PPP3CA: variants seen among roughly 807,000 people sequenced by gnomAD.
PPP3CA encodes the protein CAM-PRP catalytic subunit.
Under a neutral mutation model 66.5 loss-of-function variants are expected in PPP3CA, and 14 were observed. The observed-to-expected ratio is 0.21, with a 90% CI of 0.14 to 0.33. The LOEUF (loss-of-function observed/expected upper bound fraction) is 0.33, where lower values mean the gene tolerates loss of function less well. Among genes scored for constraint, PPP3CA ranks in the 10% least tolerant of loss-of-function variants. The pLI, the probability that PPP3CA is intolerant of heterozygous loss-of-function variation, is 1.00. For synonymous variants in PPP3CA, 232 were observed against 226.2 expected (o/e 1.03, Z -0.23); for missense variants, 317 against 639.5 (o/e 0.50, Z 5.44).
At chr4:101,122,680 CA>C (rs1444370126) in intron 2 of PPP3CA, among the ~76,000 whole-genome samples, 1 of 151,916 alleles carries the variant, frequency 6.6e-6, no homozygotes, top group Admixed American at 6.6e-5. Context: ...AAAAAACAAA[CA>C]AAAAACTGGA....
intron 4 of PPP3CA, among the ~76,000 whole-genome samples, chr4:101,099,237 T>A (rs898610798): frequency 6.6e-5 from 10 of 152,134 alleles, no homozygotes; most frequent in African/African-American, 2.2e-4. Flanking sequence ...GAAGCTAGTA[T>A]TCATTTATTG....
chr4:101,320,031 C>T (rs1403096339), intron 1 of PPP3CA, among the ~76,000 whole-genome samples: 2 of 152,072 alleles, frequency 1.3e-5, no homozygotes, highest in Non-Finnish European at 2.9e-5. Context: ...CCATACGAGT[C>T]AGTGAATAGA....
chr4:101,216,486 T>A (rs182189380), intron 1 of PPP3CA, among the ~76,000 whole-genome samples: 2 of 152,166 alleles, frequency 1.3e-5, no homozygotes, highest in African/African-American at 4.8e-5. Flanking sequence ...AACCACTTTG[T>A]AGAACTGCTC....
chr4:101,173,098 T>C (rs1723937623), intron 2 of PPP3CA, among the ~76,000 whole-genome samples: 1 of 152,122 alleles, frequency 6.6e-6, no homozygotes. Context: ...AGTAGAGCCA[T>C]TGGGCCAGTG....
intron 9 of PPP3CA, among the ~76,000 whole-genome samples, chr4:101,062,389 G>A (rs1728501591): frequency 6.7e-6 from 1 of 150,146 alleles, no homozygotes; most frequent in Non-Finnish European, 1.5e-5. Context: ...AACCATTAGG[G>A]TTTCAGAAAA....
chr4:101,305,422 T>C (rs1487049132), intron 1 of PPP3CA, among the ~76,000 whole-genome samples: 1 of 152,210 alleles, frequency 6.6e-6, no homozygotes, highest in East Asian at 1.9e-4. Flanking sequence ...TGGAAATGTC[T>C]TTACAGAATT....
chr4:101,111,912 C>T (rs557542600), intron 2 of PPP3CA, among the ~76,000 whole-genome samples: 6 of 152,194 alleles, frequency 3.9e-5, no homozygotes, highest in East Asian at 1.9e-4. Context: ...AATAGAACTC[C>T]GGTGCTTGGA....
At chr4:101,124,707 A>AAGAAAGAAAGAAAGAAAGAAAGAAAG (rs1722154350) in intron 2 of PPP3CA, among the ~76,000 whole-genome samples, 1 of 105,134 alleles carries the variant, frequency 9.5e-6, no homozygotes, top group Non-Finnish European at 1.9e-5. Context: ...GAAAGAAAGA[A>AAGAAAGAAAGAAAGAAAGAAAGAAAG]AGAAAGAAAG....
At chr4:101,051,723 C>T (rs947434913) in intron 10 of PPP3CA, among the ~76,000 whole-genome samples, 2 of 152,140 alleles carry the variant, frequency 1.3e-5, no homozygotes, top group Admixed American at 1.3e-4. Flanking sequence ...GTTTACTTCC[C>T]TTATGCAACA....
chr4:101,116,092 T>A (rs535583205), intron 2 of PPP3CA, among the ~76,000 whole-genome samples: 1 of 150,340 alleles, frequency 6.7e-6, no homozygotes, highest in Non-Finnish European at 1.5e-5. Context: ...AAAGACCTTT[T>A]AGTTTCTCCA....
chr4:101,278,134 A>AAT (rs1727565703), intron 1 of PPP3CA, among the ~76,000 whole-genome samples: 1 of 146,162 alleles, frequency 6.8e-6, no homozygotes, highest in African/African-American at 2.7e-5. Flanking sequence ...AAAAAAAAAA[A>AAT]AAAAATAAAA....
chr4:101,156,982 C>T (rs538660557), intron 2 of PPP3CA, among the ~76,000 whole-genome samples: 25 of 152,340 alleles, frequency 1.6e-4, no homozygotes, highest in East Asian at 5.8e-4. Flanking sequence ...GGAAATACCA[C>T]GTTCCCTTAG....
intron 1 of PPP3CA, among the ~76,000 whole-genome samples, chr4:101,231,138 C>G (rs1725947706): frequency 6.6e-6 from 1 of 151,686 alleles, no homozygotes; most frequent in Non-Finnish European, 1.5e-5. Context: ...TCCACTTGCT[C>G]TTTCACAAAT....
chr4:101,144,240 T>C (rs1245040173), intron 2 of PPP3CA, among the ~76,000 whole-genome samples: 2 of 152,188 alleles, frequency 1.3e-5, no homozygotes, highest in Non-Finnish European at 1.5e-5. Flanking sequence ...ATATACCACA[T>C]AGGATCAAGT....
chr4:101,080,421 AT>A, intron 8 of PPP3CA, 110 bp downstream of exon 8: 1 of 494,458 alleles, frequency 2.0e-6, no homozygotes, highest in African/African-American at 2.0e-5. Context: ...AACTGAAAAA[AT>A]TTTAAAAAAA....
intron 2 of PPP3CA, among the ~76,000 whole-genome samples, chr4:101,116,219 A>C (rs369080611): frequency 6.6e-6 from 1 of 151,936 alleles, no homozygotes; most frequent in South Asian, 2.1e-4. Flanking sequence ...AAAAGACGTT[A>C]CTGAATCGTT....
At chr4:101,182,265 T>G (rs544911509) in intron 2 of PPP3CA, among the ~76,000 whole-genome samples, 1 of 152,154 alleles carries the variant, frequency 6.6e-6, no homozygotes, top group Non-Finnish European at 1.5e-5. Flanking sequence ...ATACAGTTAT[T>G]TCCCTCAAGG....
At chr4:101,208,471 T>C (rs1168441885) in intron 1 of PPP3CA, among the ~76,000 whole-genome samples, 2 of 152,198 alleles carry the variant, frequency 1.3e-5, no homozygotes, top group African/African-American at 2.4e-5. Flanking sequence ...GCACACTAAA[T>C]ACAAAGGGAT....
At chr4:101,300,702 C>T (rs947480825) in intron 1 of PPP3CA, among the ~76,000 whole-genome samples, 1 of 152,096 alleles carries the variant, frequency 6.6e-6, no homozygotes, top group African/African-American at 2.4e-5. Context: ...GAAGCTGGGG[C>T]ACAAGAATCG....
Sources: allele counts gnomAD v4.1 joint callset (sites outside exome capture counted in the v4.1 genomes callset), GRCh38; gene constraint gnomAD v4.1.1; transcripts MANE v1.5; gene names NCBI Gene and HGNC (gene_info 2026-07-23, HGNC 2026-07-21).